Variants in PLCE1 observed in about 807,000 individuals in gnomAD.
PLCE1 encodes phospholipase C epsilon 1.
In PLCE1, 119 loss-of-function variants were observed where a neutral mutation model predicts 242.8. The ratio of observed to expected loss-of-function variants is 0.49; its 90% confidence interval spans 0.42 to 0.57. The LOEUF (loss-of-function observed/expected upper bound fraction) is 0.57, where lower values mean the gene tolerates loss of function less well. Ranked by LOEUF, PLCE1 falls within the 20% of genes least tolerant of loss-of-function variation. The pLI is 0.00. For synonymous variants in PLCE1, 945 were observed against 1,017.4 expected (o/e 0.93, Z 1.35); for missense variants, 2,441 against 2,788.8 (o/e 0.88, Z 2.81).
intron 2 of PLCE1, among the ~76,000 whole-genome samples, chr10:94,033,106 T>C (rs1049671361): frequency 2.6e-5 from 4 of 152,080 alleles, no homozygotes; most frequent in African/African-American, 9.7e-5. Context: ...ATGTATGTTA[T>C]ATGCAAATAC....
At chr10:94,184,174 T>C (rs1369261435) in intron 4 of PLCE1, among the ~76,000 whole-genome samples, 1 of 152,174 alleles carries the variant, frequency 6.6e-6, no homozygotes, top group Admixed American at 6.5e-5. Context: ...CTATAATCCA[T>C]TCTCCACCCA....
chr10:94,133,191 A>G (rs1199087450), intron 3 of PLCE1, among the ~76,000 whole-genome samples: 1 of 152,176 alleles, frequency 6.6e-6, no homozygotes, highest in Non-Finnish European at 1.5e-5. Flanking sequence ...CATAGAATTA[A>G]TAGGTGTCTA....
At chr10:94,106,617 A>G (rs191534433) in intron 2 of PLCE1, among the ~76,000 whole-genome samples, 26 of 152,298 alleles carry the variant, frequency 1.7e-4, no homozygotes, top group Non-Finnish European at 2.9e-4. Context: ...ATACTGATAA[A>G]TGGCCCCCAA....
chr10:94,184,860 A>G (rs1232783907), intron 4 of PLCE1, among the ~76,000 whole-genome samples: 17 of 150,498 alleles, frequency 1.1e-4, no homozygotes, highest in Non-Finnish European at 1.2e-4. Flanking sequence ...TTTTTTTTCT[A>G]TCTCCTTAGG....
chr10:94,055,687 G>T (rs1240772559), intron 2 of PLCE1, among the ~76,000 whole-genome samples: 2 of 152,012 alleles, frequency 1.3e-5, no homozygotes, highest in Admixed American at 1.3e-4. Context: ...TTATAACCTT[G>T]GGCAGTGTAC....
chr10:94,156,333 A>G (rs2047432982), intron 3 of PLCE1, among the ~76,000 whole-genome samples: 1 of 152,192 alleles, frequency 6.6e-6, no homozygotes, highest in Non-Finnish European at 1.5e-5. Context: ...ACCAATCACA[A>G]GTCCTGGGCC....
At chr10:94,176,030 G>A (rs2048115562) in intron 4 of PLCE1, among the ~76,000 whole-genome samples, 1 of 152,136 alleles carries the variant, frequency 6.6e-6, no homozygotes, top group Non-Finnish European at 1.5e-5. Flanking sequence ...ACATGGGAGT[G>A]CAGATATCTC....
At chr10:94,292,704 A>G (rs1169720660) in intron 22 of PLCE1, among the ~76,000 whole-genome samples, 1 of 152,166 alleles carries the variant, frequency 6.6e-6, no homozygotes, top group Non-Finnish European at 1.5e-5. Flanking sequence ...AATGTGTATT[A>G]TCATCTGAAA....
At chr10:94,268,848 T>C in intron 16 of PLCE1, 81 bp from the exon 17 acceptor site, 2 of 797,678 alleles carry the variant, frequency 2.5e-6, no homozygotes, top group Non-Finnish European at 4.5e-6. Flanking sequence ...CTGCCTGATA[T>C]GTAGAACTAC....
At chr10:94,027,915 A>C (rs1476219795) in intron 1 of PLCE1, among the ~76,000 whole-genome samples, 2 of 152,182 alleles carry the variant, frequency 1.3e-5, no homozygotes, top group African/African-American at 4.8e-5. Flanking sequence ...AGAAGACATC[A>C]GAAACCCAAA....
intron 18 of PLCE1, 107 bp from the exon 19 acceptor site, chr10:94,273,454 TA>T: frequency 1.8e-6 from 2 of 1,112,786 alleles, no homozygotes; most frequent in Non-Finnish European, 2.6e-6. Context: ...TAAGACTTTT[TA>T]AATAATTCAA....
Position 94,306,779 on chromosome 10 carries a change from C to A in PLCE1, c.5884+91C>A. The A allele has an allele frequency of 9.7e-7, 1 of 1,033,708 alleles. No homozygotes were observed. Among genetic ancestry groups the A allele is most frequent in the Non-Finnish European group, 1.5e-6 (1 of 687,048 alleles). 64.0% of individuals were successfully genotyped at this position (1,033,708 alleles called of 1,614,324 possible). A position where few individuals can be genotyped will look rare whatever the true frequency, so the allele number is the denominator to read the frequency against. On this transcript the variant is annotated intron_variant, in intron 26 of 32. Coordinates refer to ENST00000371380, the MANE Select transcript of PLCE1 (RefSeq NM_016341.4). This position sits in a 1 kb window ranked among gnomAD's most constrained non-coding sequence, Gnocchi z 5.7. ...ATACTCTTCTCTCTTTTCTGTTTGA[C>A]ATTTTCCTATAAAGAAGTTGAATTA...
chr10:94,284,228 T>G (rs1334362867), intron 21 of PLCE1, among the ~76,000 whole-genome samples: 1 of 152,182 alleles, frequency 6.6e-6, no homozygotes, highest in Non-Finnish European at 1.5e-5. Context: ...GATTATACTG[T>G]GTTATCAGAG....
intron 2 of PLCE1, among the ~76,000 whole-genome samples, chr10:94,127,669 G>A (rs1016969676): frequency 6.6e-6 from 1 of 152,160 alleles, no homozygotes; most frequent in African/African-American, 2.4e-5. Flanking sequence ...ACTAGTATTT[G>A]TTGAGCATTT....
intron 3 of PLCE1, among the ~76,000 whole-genome samples, chr10:94,136,241 T>C (rs1301169193): frequency 6.6e-6 from 1 of 152,008 alleles, no homozygotes; most frequent in African/African-American, 2.4e-5. Flanking sequence ...GGAAGGGCAA[T>C]GGGAATGGGG....
intron 2 of PLCE1, among the ~76,000 whole-genome samples, chr10:94,086,802 C>G (rs1413572677): frequency 6.6e-6 from 1 of 152,192 alleles, no homozygotes; most frequent in Non-Finnish European, 1.5e-5. Flanking sequence ...TATTTGTCCC[C>G]TTGACCAGCT....
chr10:94,039,402 G>T (rs1367579400), intron 2 of PLCE1, among the ~76,000 whole-genome samples: 4 of 150,530 alleles, frequency 2.7e-5, no homozygotes, highest in African/African-American at 9.8e-5. Context: ...TTTTCCCGGA[G>T]ACGGAGTCTT....
intron 1 of PLCE1, among the ~76,000 whole-genome samples, chr10:94,007,206 T>A (rs1414068678): frequency 6.6e-6 from 1 of 151,970 alleles, no homozygotes; most frequent in Non-Finnish European, 1.5e-5. Context: ...TTCTACATCG[T>A]GTGTTGGCTC....
intron 14 of PLCE1, among the ~76,000 whole-genome samples, chr10:94,263,948 G>C (rs992144630): frequency 1.3e-5 from 2 of 152,072 alleles, no homozygotes; most frequent in African/African-American, 4.8e-5. Context: ...ATTTAGTCTA[G>C]GTTTTCAACC....
Sources: gnomAD v4.1 joint callset for allele counts (sites outside exome capture counted in the v4.1 genomes callset) on GRCh38, gnomAD v4.1.1 for gene constraint, Gnocchi (gnomAD v3.1) non-coding constraint, MANE v1.5 for transcripts, NCBI Gene and HGNC (gene_info 2026-07-23, HGNC 2026-07-21) for gene names.